The following HPSE2 variants were observed in gnomAD, a reference collection of about 807,000 sequenced individuals.
HPSE2 encodes the protein heparanase 2 (inactive), also known as inactive heparanase-2.
Under a neutral mutation model 60.5 loss-of-function variants are expected in HPSE2, and 38 were observed. That is an observed-to-expected ratio of 0.63 (90% CI 0.48 to 0.82). The LOEUF (loss-of-function observed/expected upper bound fraction) is 0.82, where lower values mean the gene tolerates loss of function less well. HPSE2 is among the 40% of genes least tolerant of loss of function. The pLI is 0.00. For synonymous variants in HPSE2, 295 were observed against 293.2 expected, an observed-to-expected ratio of 1.01 and a Z score of -0.06; for missense variants, 713 against 740.4, an observed-to-expected ratio of 0.96 and a Z score of 0.43.
intron 10 of HPSE2, among the ~76,000 whole-genome samples, chr10:98,483,754 G>C (rs1160469760): frequency 6.6e-6 from 1 of 152,224 alleles, no homozygotes; most frequent in East Asian, 1.9e-4. Context: ...GACAAAGGCT[G>C]TTCTATTGAA....
At chr10:99,114,512 A>C (rs1244975982) in intron 3 of HPSE2, among the ~76,000 whole-genome samples, 1 of 152,240 alleles carries the variant, frequency 6.6e-6, no homozygotes, top group African/African-American at 2.4e-5. Context: ...CAGATCTCTT[A>C]ACACAAAGAC....
At chr10:99,061,910 T>A (rs755041873) in intron 3 of HPSE2, among the ~76,000 whole-genome samples, 7 of 152,326 alleles carry the variant, frequency 4.6e-5, no homozygotes, top group African/African-American at 7.2e-5. Context: ...TTTTGGTTTT[T>A]TCCCCATGGA....
chr10:99,125,334 T>C (rs79208252), intron 3 of HPSE2, among the ~76,000 whole-genome samples: 1,720 of 152,316 alleles, frequency 0.011, 35 homozygotes, highest in African/African-American at 0.039. Flanking sequence ...CCTTCCATGA[T>C]AAAAATTTAA....
In HPSE2 at chr10:98,620,657, TCACCA is replaced by T. The variant is rs1382365883; in HGVS notation, c.1145_1149del (p.Val382AspfsTer33). 1.2e-6 allele frequency: 2 copies of T among 1,613,976 alleles called. No individual in the cohort carries two copies. The highest frequency in any genetic ancestry group is 2.7e-5 in the African/African-American group (2 of 74,938). On this transcript the variant is annotated frameshift_variant, in exon 8 of 12. Transcript: ENST00000370552. LOFTEE classifies it high-confidence loss of function. ...TTGTTTGTGCCTCCAGCTGAGGTGGTCACCACACCTTCAAGCCAAATCTTCTTTCC... is the reference window on the plus strand; with the variant it reads ...TTGTTTGTGCCTCCAGCTGAGGTGGTCACCTTCAAGCCAAATCTTCTTTCC...
intron 8 of HPSE2, among the ~76,000 whole-genome samples, chr10:98,618,406 G>C (rs955088888): frequency 2.0e-5 from 3 of 152,108 alleles, no homozygotes; most frequent in African/African-American, 7.2e-5. Flanking sequence ...AAACCACTCA[G>C]TACAACTGGG....
intron 3 of HPSE2, among the ~76,000 whole-genome samples, chr10:98,755,770 G>A (rs1300728480): frequency 6.6e-6 from 1 of 152,100 alleles, no homozygotes; most frequent in Non-Finnish European, 1.5e-5. Flanking sequence ...GTTTCAGGTG[G>A]GCAGATCACG....
intron 3 of HPSE2, among the ~76,000 whole-genome samples, chr10:99,092,004 A>G (rs1843531485): frequency 1.3e-5 from 2 of 152,202 alleles, no homozygotes; most frequent in Admixed American, 1.3e-4. Context: ...TTGAAAATAC[A>G]TTCTTTAGAT....
At chr10:98,663,744 C>A (rs1436836440) in intron 6 of HPSE2, among the ~76,000 whole-genome samples, 1 of 152,138 alleles carries the variant, frequency 6.6e-6, no homozygotes, top group African/African-American at 2.4e-5. Flanking sequence ...GAGAGCCACC[C>A]AGATTTTTGT....
chr10:98,987,083 A>G (rs909991280), intron 3 of HPSE2, among the ~76,000 whole-genome samples: 3 of 152,068 alleles, frequency 2.0e-5, no homozygotes, highest in African/African-American at 7.2e-5. Context: ...AGCTGGTACC[A>G]TTCCTTCTGA....
At chr10:98,462,665 T>C (rs1940346827) in intron 11 of HPSE2, among the ~76,000 whole-genome samples, 1 of 152,178 alleles carries the variant, frequency 6.6e-6, no homozygotes. Context: ...CGTTTTTGTT[T>C]TTGTTTTTTT....
At chr10:98,529,340 C>T (rs1943065992) in intron 9 of HPSE2, among the ~76,000 whole-genome samples, 1 of 152,172 alleles carries the variant, frequency 6.6e-6, no homozygotes, top group South Asian at 2.1e-4. Flanking sequence ...TGATAGTGAT[C>T]TCTATCGACA....
At chr10:98,811,071 T>C (rs1951159485) in intron 3 of HPSE2, among the ~76,000 whole-genome samples, 1 of 152,136 alleles carries the variant, frequency 6.6e-6, no homozygotes, top group Non-Finnish European at 1.5e-5. Flanking sequence ...TGATCTCTTC[T>C]TTACCTTCTA....
Position 98,928,852 on chromosome 10 carries a change from G to T in HPSE2, c.611-184796C>A, listed in dbSNP as rs374585143. Among the ~76,000 whole-genome samples, 2 of 92,554 alleles carry T rather than the reference G, an allele frequency of 2.2e-5. 1 individual carries two copies. 60.7% of individuals were successfully genotyped at this position (92,554 alleles called of 152,430 possible). ...GGGGACTGTTGTGGGGTGGGGGGAGGGGGGAGGGATAGCACTGGGAGATAT... is the reference window on the plus strand; with the variant it reads ...GGGGACTGTTGTGGGGTGGGGGGAGTGGGGAGGGATAGCACTGGGAGATAT... On this transcript the variant is annotated intron_variant, in intron 3 of 11. Transcript: ENST00000370552.
chr10:98,604,253 T>C (rs1945514838), intron 9 of HPSE2, among the ~76,000 whole-genome samples: 1 of 151,506 alleles, frequency 6.6e-6, no homozygotes, highest in East Asian at 1.9e-4. Flanking sequence ...GCAAATAGTA[T>C]GCAAAAGCAG....
intron 6 of HPSE2, among the ~76,000 whole-genome samples, chr10:98,663,747 AT>A (rs1947286140): frequency 6.6e-6 from 1 of 152,142 alleles, no homozygotes; most frequent in Non-Finnish European, 1.5e-5. Context: ...AGCCACCCAG[AT>A]TTTTGTAGAG....
intron 3 of HPSE2, among the ~76,000 whole-genome samples, chr10:99,100,841 CA>C: frequency 6.6e-6 from 1 of 152,312 alleles, no homozygotes; most frequent in Non-Finnish European, 1.5e-5. Flanking sequence ...CAATATTCAA[CA>C]TTCTTAAAGA....
At chr10:99,174,377 G>A (rs1032587228) in intron 2 of HPSE2, among the ~76,000 whole-genome samples, 13 of 151,968 alleles carry the variant, frequency 8.6e-5, no homozygotes, top group South Asian at 2.1e-4. Context: ...ACTAACACAG[G>A]GTCTACTTCT....
rs894581777 is a variant in HPSE2 at position 98,865,540 on chromosome 10, A to C, written c.611-121484T>G. ...GGAGCTTAGTAAGCTCCTTGACTTGAGGAGATAGAGGTAAGAGTCTGGGAA... is the reference window on the plus strand; with the variant it reads ...GGAGCTTAGTAAGCTCCTTGACTTGCGGAGATAGAGGTAAGAGTCTGGGAA... On this transcript the variant is annotated intron_variant, in intron 3 of 11. Transcript: ENST00000370552. Among the ~76,000 whole-genome samples, 3 of 152,196 alleles carry C rather than the reference A, an allele frequency of 2.0e-5. No individual in the cohort carries two copies. In the East Asian group the frequency reaches 5.8e-4, roughly 29 times the overall value.
intron 3 of HPSE2, among the ~76,000 whole-genome samples, chr10:98,775,140 C>T (rs1275976820): frequency 1.3e-5 from 2 of 152,210 alleles, no homozygotes; most frequent in African/African-American, 2.4e-5. Context: ...GCTGAGAGAA[C>T]ATTCCTTAGA....
Sources: gnomAD v4.1 joint callset for allele counts (sites outside exome capture counted in the v4.1 genomes callset) on GRCh38, gnomAD v4.1.1 for gene constraint, MANE v1.5 for transcripts, NCBI Gene and HGNC (gene_info 2026-07-23, HGNC 2026-07-21) for gene names.